KIF16B: variants seen among roughly 807,000 people sequenced by gnomAD.
KIF16B encodes the protein kinesin-like protein KIF16B.
A neutral mutation model predicts 156.3 loss-of-function variants in KIF16B; 98 were observed. The observed-to-expected ratio is 0.63, with a 90% CI of 0.53 to 0.74. The LOEUF (loss-of-function observed/expected upper bound fraction) is 0.74. KIF16B is among the 30% of genes least tolerant of loss of function. KIF16B has a pLI of 0.00. For missense variants in KIF16B, 1,421 were observed against 1,606.5 expected (o/e 0.88, Z 1.97); for synonymous variants, 564 against 583.7 (o/e 0.97, Z 0.49).
intron 23 of KIF16B, among the ~76,000 whole-genome samples, chr20:16,337,160 T>C (rs573606162): frequency 6.6e-6 from 1 of 152,326 alleles, no homozygotes; most frequent in African/African-American, 2.4e-5. Flanking sequence ...TGAATGCGCA[T>C]ATTCTCTGCC....
intron 5 of KIF16B, 84 bp from the exon 6 acceptor site, chr20:16,511,611 T>C (rs2147055891): frequency 1.3e-6 from 1 of 786,218 alleles, no homozygotes. Flanking sequence ...AGCAACCTGC[T>C]GACATAAATG....
At chr20:16,395,446 T>C (rs938621532) in intron 17 of KIF16B, among the ~76,000 whole-genome samples, 2 of 151,918 alleles carry the variant, frequency 1.3e-5, no homozygotes, top group African/African-American at 4.8e-5. Flanking sequence ...ACAAAACTAT[T>C]TCCTTTCATA....
intron 25 of KIF16B, among the ~76,000 whole-genome samples, chr20:16,289,608 C>T (rs1008975697): frequency 1.3e-5 from 2 of 152,064 alleles, no homozygotes; most frequent in African/African-American, 4.8e-5. Context: ...AATCCCAGCA[C>T]TTTGGTAGGC....
At chr20:16,397,710 A>G (rs1270417700) in intron 17 of KIF16B, among the ~76,000 whole-genome samples, 2 of 152,376 alleles carry the variant, frequency 1.3e-5, no homozygotes, top group Admixed American at 6.5e-5. Context: ...TGTCTACACA[A>G]TACCAAAGAA....
Position 16,367,438 on chromosome 20 carries a change from C to T in KIF16B, c.3498+3148G>A, listed in dbSNP as rs751291121. 5.0e-6 allele frequency: 8 copies of T among 1,612,680 alleles called. No homozygotes were observed. In the South Asian group the frequency reaches 5.5e-5, roughly 11 times the overall value. On this transcript the variant is annotated intron_variant, in intron 22 of 25. Transcript: ENST00000354981. ...GCATTTGATCACATCAAATTGTGCACCCGGAGGAGGTATGTTTCGAGATCG... is the reference window on the plus strand; with the variant it reads ...GCATTTGATCACATCAAATTGTGCATCCGGAGGAGGTATGTTTCGAGATCG...
At chr20:16,329,304 C>T (rs1194010039) in intron 24 of KIF16B, among the ~76,000 whole-genome samples, 1 of 152,132 alleles carries the variant, frequency 6.6e-6, no homozygotes, top group East Asian at 1.9e-4. Flanking sequence ...AATAGGTAAG[C>T]TTCATGAACA....
At chr20:16,455,601 G>A (rs2067192136) in intron 12 of KIF16B, among the ~76,000 whole-genome samples, 2 of 152,080 alleles carry the variant, frequency 1.3e-5, no homozygotes, top group African/African-American at 2.4e-5. Flanking sequence ...GGGCACTAAA[G>A]TGACAATGTA....
chr20:16,541,451 G>A (rs767322077), intron 1 of KIF16B, among the ~76,000 whole-genome samples: 4 of 152,206 alleles, frequency 2.6e-5, no homozygotes, highest in Non-Finnish European at 4.4e-5. Flanking sequence ...TGCCAGTACG[G>A]AAGTACGGAT....
Position 16,421,299 on chromosome 20 carries a change from C to T in KIF16B, c.1612+5805G>A, listed in dbSNP as rs8122942. 4.3e-3 allele frequency among the ~76,000 whole-genome samples: 655 copies of T among 152,152 alleles called. 3 individuals are homozygous for T. Among genetic ancestry groups the T allele is most frequent in the Middle Eastern group, 0.024 (7 of 294 alleles). ...TTCCCCATTTATTATATTTTAATGA[C>T]GTTCATATGCTGTTTTTTTCCTTTA... is the stretch of plus-strand genomic sequence containing the variant. On this transcript the variant is annotated intron_variant, in intron 15 of 25. Transcript: ENST00000354981.
intron 24 of KIF16B, among the ~76,000 whole-genome samples, chr20:16,313,225 A>C (rs1366540586): frequency 6.6e-6 from 1 of 152,164 alleles, no homozygotes; most frequent in East Asian, 1.9e-4. Flanking sequence ...TTCCTTTCTC[A>C]ATTTGTCAGG....
chr20:16,413,994 T>C (rs1483128336), intron 15 of KIF16B, among the ~76,000 whole-genome samples: 2 of 152,060 alleles, frequency 1.3e-5, no homozygotes, highest in African/African-American at 4.8e-5. Context: ...TTAAAGATAT[T>C]TATTTATATT....
chr20:16,527,078 A>G (rs2069573320), intron 2 of KIF16B, among the ~76,000 whole-genome samples: 1 of 152,240 alleles, frequency 6.6e-6, no homozygotes, highest in South Asian at 2.1e-4. Flanking sequence ...CTGTGAGCGT[A>G]GAAAGACACA....
intron 4 of KIF16B, among the ~76,000 whole-genome samples, chr20:16,514,582 G>GAAAA (rs540602451): frequency 1.2e-3 from 90 of 76,842 alleles, no homozygotes; most frequent in Non-Finnish European, 1.3e-3. Context: ...TAAGAAATAA[G>GAAAA]AAAAAAAAAA....
intron 20 of KIF16B, among the ~76,000 whole-genome samples, chr20:16,372,045 G>A (rs149646643): frequency 1.5e-4 from 23 of 152,272 alleles, no homozygotes; most frequent in African/African-American, 4.1e-4. Flanking sequence ...TGGAATGCCC[G>A]CTGCAGGATG....
intron 14 of KIF16B, among the ~76,000 whole-genome samples, chr20:16,428,608 T>G (rs2146429723): frequency 6.6e-6 from 1 of 152,258 alleles, no homozygotes; most frequent in Non-Finnish European, 1.5e-5. Context: ...CTGTGTCTGT[T>G]GGTATATTTC....
At chr20:16,398,667 A>C (rs975185645) in intron 17 of KIF16B, among the ~76,000 whole-genome samples, 3 of 152,230 alleles carry the variant, frequency 2.0e-5, no homozygotes, top group Non-Finnish European at 4.4e-5. Flanking sequence ...CCCAGAGTGA[A>C]AGATCCCTAT....
At chr20:16,333,626 T>G (rs2063986721) in intron 24 of KIF16B, among the ~76,000 whole-genome samples, 1 of 152,226 alleles carries the variant, frequency 6.6e-6, no homozygotes, top group African/African-American at 2.4e-5. Context: ...TCATTTTGCC[T>G]GGTACCAAGT....
intron 4 of KIF16B, among the ~76,000 whole-genome samples, chr20:16,514,342 T>C (rs1395791821): frequency 6.6e-6 from 1 of 152,090 alleles, no homozygotes; most frequent in African/African-American, 2.4e-5. Context: ...CAGCACTTAC[T>C]GACTTCTTGT....
intron 14 of KIF16B, 54 bp from the exon 15 acceptor site, chr20:16,427,295 A>T: frequency 6.9e-7 from 1 of 1,456,864 alleles, no homozygotes; most frequent in Non-Finnish European, 9.4e-7. Flanking sequence ...TACTGCAATG[A>T]TTCCCAGCTA....
Sources: allele counts gnomAD v4.1 joint callset (sites outside exome capture counted in the v4.1 genomes callset), GRCh38; gene constraint gnomAD v4.1.1; transcripts MANE v1.5; gene names NCBI Gene and HGNC (gene_info 2026-07-23, HGNC 2026-07-21).